TSNARE1: variants seen among roughly 807,000 people sequenced by gnomAD.
TSNARE1 encodes t-SNARE domain-containing protein 1.
In TSNARE1, 49 loss-of-function variants were observed where a neutral mutation model predicts 62.0. That is an observed-to-expected ratio of 0.79 (90% CI 0.63 to 1.00). The LOEUF is 1.00. Among genes scored for constraint, TSNARE1 ranks in the 50% least tolerant of loss-of-function variants. The pLI is 0.00. For synonymous variants in TSNARE1, 328 were observed against 294.4 expected (o/e 1.11, Z -1.17); for missense variants, 755 against 700.1 (o/e 1.08, Z -0.88).
At chr8:142,270,552 G>C in intron 12 of TSNARE1, 1 of 984,266 alleles carries the variant, frequency 1.0e-6, no homozygotes, top group Non-Finnish European at 1.2e-6. Context: ...CAGGCATATG[G>C]GATGTGGTTC....
At chr8:142,320,675 A>G (rs1173296228) in intron 6 of TSNARE1, among the ~76,000 whole-genome samples, 2 of 152,242 alleles carry the variant, frequency 1.3e-5, no homozygotes, top group Non-Finnish European at 2.9e-5. Context: ...CCAGATGCAG[A>G]CAACCAAGCC....
intron 2 of TSNARE1, among the ~76,000 whole-genome samples, chr8:142,347,369 C>T (rs1359453571): frequency 6.6e-6 from 1 of 152,234 alleles, no homozygotes. Context: ...TCCCAAGTCA[C>T]AGACGCCTCT....
chr8:142,215,501 G>A (rs1332845915), intron 13 of TSNARE1, among the ~76,000 whole-genome samples: 2 of 152,070 alleles, frequency 1.3e-5, no homozygotes, highest in Admixed American at 6.5e-5. Flanking sequence ...CTCATCCATT[G>A]CCCTTGTCCA....
At chr8:142,230,286 T>G (rs1817039802) in intron 12 of TSNARE1, among the ~76,000 whole-genome samples, 1 of 151,894 alleles carries the variant, frequency 6.6e-6, no homozygotes, top group African/African-American at 2.4e-5. Context: ...AAACGGGAGC[T>G]TAAATGAAAT....
At chr8:142,269,733 G>A in intron 12 of TSNARE1, 1 of 985,386 alleles carries the variant, frequency 1.0e-6, no homozygotes, top group South Asian at 4.7e-5. Context: ...TGGAAGGCCA[G>A]CTTTCCCAGG....
At position 142,239,403 on chromosome 8, in the gene TSNARE1, G is replaced by A. The variant is rs528105647; in HGVS notation, c.1447-9824C>T. On this transcript the variant is annotated intron_variant, in intron 12 of 13. Transcript: ENST00000524325. ...ACAATAGCATGGAAGTTGGAAGGGA[G>A]TAATCAGAGCTCAAGCGTTTAAAGG... 2.0e-5 allele frequency among the ~76,000 whole-genome samples: 3 copies of A among 152,346 alleles called. No homozygotes were observed. The East Asian group carries it at 5.8e-4, about 29-fold the overall frequency.
At chr8:142,350,874 AAG>A (rs1834008000) in intron 2 of TSNARE1, among the ~76,000 whole-genome samples, 1 of 152,220 alleles carries the variant, frequency 6.6e-6, no homozygotes. Context: ...GACACACTCG[AAG>A]GAGGAGCATA....
At chr8:142,382,026 G>A (rs1162089882) in intron 1 of TSNARE1, among the ~76,000 whole-genome samples, 1 of 152,122 alleles carries the variant, frequency 6.6e-6, no homozygotes, top group Non-Finnish European at 1.5e-5. Flanking sequence ...CAGGCCAGAT[G>A]CTCGGTGGAG....
chr8:142,352,819 GA>G (rs776050412), intron 2 of TSNARE1, among the ~76,000 whole-genome samples: 2 of 152,194 alleles, frequency 1.3e-5, no homozygotes, highest in African/African-American at 2.4e-5. Context: ...AAGGACGAAG[GA>G]GGCAGGAGGG....
intron 12 of TSNARE1, chr8:142,269,389 T>C (rs4976955): frequency 0.19 from 186,312 of 975,434 alleles, 21,957 homozygotes; most frequent in African/African-American, 0.55. Flanking sequence ...GGGGCTCAGC[T>C]AGCACCAGAG....
At chr8:142,269,541 C>T in intron 12 of TSNARE1, 1 of 983,476 alleles carries the variant, frequency 1.0e-6, no homozygotes, top group Non-Finnish European at 1.2e-6. Context: ...GCTGTCCAGG[C>T]TGGTCTCGAA....
intron 10 of TSNARE1, among the ~76,000 whole-genome samples, chr8:142,294,540 C>G (rs533013825): frequency 2.0e-5 from 3 of 152,298 alleles, no homozygotes; most frequent in African/African-American, 7.2e-5. Context: ...GCTGTGTGGC[C>G]GTGGGCACCC....
chr8:142,377,615 C>A (rs1479865305), intron 1 of TSNARE1, among the ~76,000 whole-genome samples: 1 of 152,222 alleles, frequency 6.6e-6, no homozygotes, highest in Non-Finnish European at 1.5e-5. Flanking sequence ...AGGATGCCAG[C>A]ACCTGCCATC....
intron 10 of TSNARE1, among the ~76,000 whole-genome samples, chr8:142,293,417 A>C (rs1339073625): frequency 6.6e-6 from 1 of 152,212 alleles, no homozygotes; most frequent in Admixed American, 6.5e-5. Flanking sequence ...CCCAGGCCTG[A>C]GTTCTCGCCA....
At chr8:142,286,466 C>G (rs918945256) in intron 10 of TSNARE1, among the ~76,000 whole-genome samples, 6 of 152,220 alleles carry the variant, frequency 3.9e-5, no homozygotes, top group Non-Finnish European at 5.9e-5. Context: ...GATGCAGAGG[C>G]AGGCGGTCCC....
chr8:142,394,355 C>G (rs1475205162), intron 1 of TSNARE1, among the ~76,000 whole-genome samples: 1 of 152,242 alleles, frequency 6.6e-6, no homozygotes, highest in Admixed American at 6.5e-5. Context: ...TACTCCCCAT[C>G]TGTAAACTGG....
intron 12 of TSNARE1, among the ~76,000 whole-genome samples, chr8:142,259,650 C>T (rs1009335534): frequency 2.0e-5 from 3 of 152,214 alleles, no homozygotes. Flanking sequence ...AAGGCAGCCT[C>T]CTTCGCCCCG....
At chr8:142,363,740 C>T (rs1835327843) in intron 1 of TSNARE1, among the ~76,000 whole-genome samples, 1 of 152,108 alleles carries the variant, frequency 6.6e-6, no homozygotes, top group African/African-American at 2.4e-5. Context: ...CAGAACCCAC[C>T]AAAACGGCTC....
At chr8:142,238,757 A>ACCCCTGCACGTCCG (rs1817556502) in intron 12 of TSNARE1, among the ~76,000 whole-genome samples, 1 of 82,862 alleles carries the variant, frequency 1.2e-5, no homozygotes, top group African/African-American at 4.8e-5. Context: ...CTGCACGCCC[A>ACCCCTGCACGTCCG]CCCCTGCACG....
Sources: gnomAD v4.1 joint callset for allele counts (sites outside exome capture counted in the v4.1 genomes callset) on GRCh38, gnomAD v4.1.1 for gene constraint, MANE v1.5 for transcripts, NCBI Gene and HGNC (gene_info 2026-07-23, HGNC 2026-07-21) for gene names.